The following AFP variants were observed in gnomAD, a reference collection of about 807,000 sequenced individuals.
The protein encoded by AFP is alpha-fetoprotein.
In AFP, 64 loss-of-function variants were observed where a neutral mutation model predicts 78.9. The ratio of observed to expected loss-of-function variants is 0.81; its 90% CI spans 0.66 to 1.00. The LOEUF (loss-of-function observed/expected upper bound fraction) is 1.00. AFP is among the 50% of genes least tolerant of loss of function. The pLI is 0.00. For missense variants in AFP, 689 were observed against 703.8 expected (o/e 0.98, Z 0.24); for synonymous variants, 254 against 243.8 (o/e 1.04, Z -0.39).
At chr4:73,437,300 T>G in intron 2 of AFP, 89 bp downstream of exon 2, 1 of 1,046,978 alleles carries the variant, frequency 9.6e-7, no homozygotes, top group Non-Finnish European at 1.5e-6. Flanking sequence ...TGTGAGCTCT[T>G]AAAAGCACAA....
chr4:73,453,651 G>C (rs1292682731), intron 12 of AFP, 114 bp from the exon 13 acceptor site: 1 of 1,239,450 alleles, frequency 8.1e-7, no homozygotes, highest in Non-Finnish European at 1.2e-6. Context: ...TCAGTCTGGT[G>C]ATAGGTTGAT....
chr4:73,447,535 C>A lies in AFP; in HGVS notation c.917C>A (p.Thr306Asn), dbSNP rs1304328307. 1 of 1,612,796 alleles carries A rather than the reference C, an allele frequency of 6.2e-7. No individual in the cohort carries two copies. The highest frequency in any genetic ancestry group is 1.3e-5 in the African/African-American group (1 of 74,958). The change falls in exon 8 of 15, where the codon ACC becomes AAC. Residue 306 changes from threonine to asparagine, a missense_variant. Thr to Asn is a moderately conservative substitution (Grantham distance 65). Coordinates refer to ENST00000395792, the MANE Select transcript of AFP (RefSeq NM_001134.3). ...SNKITECCKL[T>N]TLERGQCIIH... ...AAAATAACAGAATGCTGCAAACTGA[C>A]CACGCTGGAACGTGGTCAATGTATA... is the stretch of plus-strand genomic sequence containing the variant.
At chr4:73,436,760 G>T (rs1488642240) in intron 1 of AFP, among the ~76,000 whole-genome samples, 1 of 151,628 alleles carries the variant, frequency 6.6e-6, no homozygotes, top group African/African-American at 2.4e-5. Flanking sequence ...CAGAAAAATG[G>T]GTCATTATTT....
intron 2 of AFP, among the ~76,000 whole-genome samples, chr4:73,437,772 GACCT>G (rs1719548783): frequency 6.6e-6 from 1 of 151,958 alleles, no homozygotes; most frequent in Non-Finnish European, 1.5e-5. Flanking sequence ...TTGGGTTTTA[GACCT>G]TGATCATACT....
chr4:73,446,099 G>A (rs1719815833), intron 7 of AFP, among the ~76,000 whole-genome samples: 1 of 152,192 alleles, frequency 6.6e-6, no homozygotes. Context: ...GATGCTTGAA[G>A]TAAGCAAGAA....
At chr4:73,448,044 T>A (rs939474778) in intron 8 of AFP, among the ~76,000 whole-genome samples, 1 of 152,120 alleles carries the variant, frequency 6.6e-6, no homozygotes, top group African/African-American at 2.4e-5. Flanking sequence ...GAAGAGTTCA[T>A]GATTAAGAAT....
At chr4:73,443,196 C>T (rs1160460201) in intron 5 of AFP, 151 bp from the exon 6 acceptor site, 3 of 692,286 alleles carry the variant, frequency 4.3e-6, no homozygotes, top group Non-Finnish European at 7.5e-6. Flanking sequence ...CAATAATATT[C>T]TGCGATAATG....
rs371502429 is a variant in AFP, at chr4:73,443,368, T to C, written c.637T>C (p.Leu213=). 1.2e-4 allele frequency: 188 copies of C among 1,613,558 alleles called. No individual in the cohort carries two copies. The highest frequency in any genetic ancestry group is 1.6e-4 in the Non-Finnish European group (184 of 1,179,648). ...QTKAATVTKE[L]RESSLLNQHA... ...CTAGGCAGCAACAGTTACAAAAGAA[T>C]TAAGAGAAAGCAGCTTGTTAAATCA... The change falls in exon 6 of 15, where the codon TTA becomes CTA. Residue 213 remains leucine, a synonymous_variant. Transcript: ENST00000395792.
chr4:73,451,648 T>C (rs1719996141), intron 11 of AFP, among the ~76,000 whole-genome samples: 1 of 152,238 alleles, frequency 6.6e-6, no homozygotes, highest in African/African-American at 2.4e-5. Context: ...TTCACTATTC[T>C]TTAGTTGTAT....
intron 13 of AFP, among the ~76,000 whole-genome samples, chr4:73,454,258 A>G (rs1720097202): frequency 1.3e-5 from 2 of 152,218 alleles, no homozygotes; most frequent in South Asian, 4.1e-4. Context: ...TTAATTGTGC[A>G]AACAGAGTAT....
intron 11 of AFP, among the ~76,000 whole-genome samples, chr4:73,452,124 A>G (rs1400645490): frequency 6.6e-6 from 1 of 152,190 alleles, no homozygotes; most frequent in Non-Finnish European, 1.5e-5. Context: ...TGTAACTGGA[A>G]GCATGTTTCA....
At chr4:73,437,042 T>C in intron 1 of AFP, 118 bp from the exon 2 acceptor site, 2 of 791,318 alleles carry the variant, frequency 2.5e-6, no homozygotes, top group South Asian at 3.0e-5. Context: ...ATCCCTAATG[T>C]TCTTTTAATT....
intron 3 of AFP, among the ~76,000 whole-genome samples, chr4:73,440,125 G>A (rs911716216): frequency 2.0e-5 from 3 of 151,990 alleles, no homozygotes; most frequent in Admixed American, 1.3e-4. Context: ...TAAACACGTG[G>A]CATGGTGGTT....
chr4:73,450,559 C>A, intron 10 of AFP, 56 bp from the exon 11 acceptor site: 4 of 1,611,376 alleles, frequency 2.5e-6, no homozygotes, highest in Non-Finnish European at 3.4e-6. Flanking sequence ...AGAAGCAAGG[C>A]GGCTAAAAAC....
Position 73,444,915 on chromosome 4 carries a change from G to A in AFP, c.714-78G>A, listed in dbSNP as rs1719773056. On this transcript the variant is annotated intron_variant, in intron 6 of 14. Transcript: ENST00000395792. ...GTCATTTCTCTTTGAAACTTCTACT[G>A]TAGTAATACTCTATAAATTCTATTT... 3.2e-6 allele frequency: 4 copies of A among 1,266,276 alleles called. No homozygotes were observed. In the Admixed American group the frequency reaches 8.0e-5, roughly 25 times the overall value. The allele number at this position is 1,266,276 out of a possible 1,614,324, so 78.4% of individuals were successfully genotyped here. A position where few individuals can be genotyped will look rare whatever the true frequency, so the allele number is the denominator to read the frequency against.
At chr4:73,450,162 G>A (rs772617280) in intron 10 of AFP, 29 bp downstream of exon 10, 1 of 1,516,860 alleles carries the variant, frequency 6.6e-7, no homozygotes, top group Non-Finnish European at 9.1e-7. Context: ...TATTTTTAGT[G>A]AATTAAAATT....
chr4:73,443,254 T>C (rs936032393), intron 5 of AFP, 93 bp from the exon 6 acceptor site: 5 of 934,768 alleles, frequency 5.3e-6, no homozygotes, highest in South Asian at 4.3e-5. Flanking sequence ...TGGAATTTCA[T>C]TTTACCTATA....
intron 7 of AFP, among the ~76,000 whole-genome samples, chr4:73,445,715 C>T (rs765418277): frequency 4.6e-5 from 7 of 152,048 alleles, no homozygotes; most frequent in Admixed American, 6.6e-5. Flanking sequence ...AACTGTCCTA[C>T]CAGGTAAAAA....
chr4:73,441,606 C>T (rs996488796), intron 4 of AFP, among the ~76,000 whole-genome samples: 8 of 148,608 alleles, frequency 5.4e-5, no homozygotes, highest in Admixed American at 5.4e-4. Flanking sequence ...GGAAACATGT[C>T]TGCTTGCACA....
Sources: allele counts gnomAD v4.1 joint callset (sites outside exome capture counted in the v4.1 genomes callset), GRCh38; gene constraint gnomAD v4.1.1; transcripts MANE v1.5; gene names NCBI Gene and HGNC (gene_info 2026-07-23, HGNC 2026-07-21).